The following CLSTN2 variants were observed in gnomAD, a reference collection of about 807,000 sequenced individuals.
CLSTN2 encodes the protein calsyntenin 2.
A neutral mutation model predicts 101.2 loss-of-function variants in CLSTN2; 48 were observed. That is an observed-to-expected ratio of 0.47 (90% CI 0.38 to 0.60). CLSTN2 has a LOEUF of 0.60. CLSTN2 is among the 20% of genes least tolerant of loss of function. CLSTN2 has a pLI of 0.00. For synonymous variants in CLSTN2, 481 were observed against 463.6 expected (o/e 1.04, Z -0.48); for missense variants, 1,160 against 1,238.2 (o/e 0.94, Z 0.95).
Position 140,574,808 on chromosome 3 carries a change from G to A in CLSTN2, c.*8555G>A, listed in dbSNP as rs144822502. ...TGAGCCCACATTTTGTGTGCAGAGAGAATCAACCCACAGGTCTCAGCTGCA... is the reference window on the plus strand; with the variant it reads ...TGAGCCCACATTTTGTGTGCAGAGAAAATCAACCCACAGGTCTCAGCTGCA... On this transcript the variant is annotated 3_prime_UTR_variant, in exon 17 of 17. Transcript: ENST00000458420. The A allele has an allele frequency of 1.3e-5, 2 of 152,362 alleles. No individual in the cohort carries two copies. Among genetic ancestry groups the A allele is most frequent in the East Asian group, 3.9e-4 (2 of 5,182 alleles). The allele number at this position is 152,362 out of a possible 1,614,324, so 9.4% of individuals were successfully genotyped here.
At chr3:140,355,237 T>C (rs1259563234) in intron 2 of CLSTN2, among the ~76,000 whole-genome samples, 1 of 152,228 alleles carries the variant, frequency 6.6e-6, no homozygotes, top group Admixed American at 6.5e-5. Flanking sequence ...TTACTCAATT[T>C]TTTGAACCTA....
Position 140,558,584 on chromosome 3 carries a change from T to A in CLSTN2, c.1824-56T>A. On this transcript the variant is annotated intron_variant, in intron 11 of 16. Coordinates refer to ENST00000458420, the MANE Select transcript of CLSTN2 (RefSeq NM_022131.3). ...TGGCAACCCCTTGTTCCTGGCTGTA[T>A]GACAGATGGTTTAATTGTTTGCTCA... The A allele has an allele frequency of 7.5e-6, 11 of 1,467,468 alleles. No individual in the cohort carries two copies. The South Asian group carries it at 1.3e-4, about 17-fold the overall frequency. The allele number at this position is 1,467,468 out of a possible 1,614,324, so 90.9% of individuals were successfully genotyped here.
intron 2 of CLSTN2, among the ~76,000 whole-genome samples, chr3:140,208,216 A>G (rs945707370): frequency 1.3e-5 from 2 of 152,182 alleles, no homozygotes. Flanking sequence ...AGTTATTTCC[A>G]AGGTTATACA....
intron 1 of CLSTN2, among the ~76,000 whole-genome samples, chr3:140,060,256 G>C (rs1294778672): frequency 6.6e-6 from 1 of 152,184 alleles, no homozygotes; most frequent in East Asian, 1.9e-4. Context: ...TCTCCAGATG[G>C]TAGGAGAGTA....
intron 1 of CLSTN2, among the ~76,000 whole-genome samples, chr3:140,055,397 C>A (rs1330881857): frequency 1.3e-5 from 2 of 152,154 alleles, no homozygotes; most frequent in African/African-American, 4.8e-5. Context: ...TAGAAAAGAA[C>A]ATGTGTTCTT....
intron 1 of CLSTN2, among the ~76,000 whole-genome samples, chr3:140,128,453 A>T (rs2009470394): frequency 6.6e-6 from 1 of 152,220 alleles, no homozygotes; most frequent in South Asian, 2.1e-4. Context: ...GAGGTTAATA[A>T]AAGGATTATT....
intron 8 of CLSTN2, among the ~76,000 whole-genome samples, chr3:140,476,936 G>A (rs553211594): frequency 3.9e-5 from 6 of 152,176 alleles, no homozygotes; most frequent in Non-Finnish European, 4.4e-5. Context: ...TGGGATTACA[G>A]GTGTGAGCCA....
At chr3:140,023,839 A>G (rs941292525) in intron 1 of CLSTN2, among the ~76,000 whole-genome samples, 1 of 152,130 alleles carries the variant, frequency 6.6e-6, no homozygotes, top group African/African-American at 2.4e-5. Flanking sequence ...GGCTCTCAGG[A>G]AAAGTGCCCA....
intron 2 of CLSTN2, among the ~76,000 whole-genome samples, chr3:140,287,719 AT>A: frequency 6.6e-6 from 1 of 152,300 alleles, no homozygotes; most frequent in South Asian, 2.1e-4. Flanking sequence ...TTGAATTGCC[AT>A]TTTACAAATT....
chr3:140,523,598 T>G (rs1298154884), intron 8 of CLSTN2, among the ~76,000 whole-genome samples: 1 of 152,222 alleles, frequency 6.6e-6, no homozygotes, highest in Admixed American at 6.5e-5. Flanking sequence ...CTTAGCTCAA[T>G]TCACACAACA....
At chr3:140,201,874 G>GA (rs548435493) in intron 2 of CLSTN2, among the ~76,000 whole-genome samples, 12 of 151,754 alleles carry the variant, frequency 7.9e-5, no homozygotes, top group South Asian at 4.2e-4. Flanking sequence ...ACAAAATGAG[G>GA]AAAAAAAACC....
At chr3:140,172,875 C>T (rs1172373931) in intron 1 of CLSTN2, among the ~76,000 whole-genome samples, 21 of 152,160 alleles carry the variant, frequency 1.4e-4, no homozygotes, top group Admixed American at 1.4e-3. Flanking sequence ...AATTATCTCC[C>T]ACTGGGTCTC....
intron 2 of CLSTN2, among the ~76,000 whole-genome samples, chr3:140,380,933 C>T (rs1238134365): frequency 1.3e-5 from 2 of 152,140 alleles, no homozygotes; most frequent in Non-Finnish European, 1.5e-5. Context: ...GCATGTTTAC[C>T]CTGGGTTTGG....
intron 1 of CLSTN2, among the ~76,000 whole-genome samples, chr3:140,154,725 A>G (rs2009923874): frequency 1.3e-5 from 2 of 149,376 alleles, no homozygotes; most frequent in South Asian, 4.3e-4. Flanking sequence ...GCTCACTACA[A>G]GCTCTGCCTC....
At chr3:140,431,667 C>T (rs2088629703) in intron 5 of CLSTN2, among the ~76,000 whole-genome samples, 1 of 152,164 alleles carries the variant, frequency 6.6e-6, no homozygotes, top group East Asian at 1.9e-4. Flanking sequence ...CTCCTCTTCC[C>T]TTTCCTAAGC....
chr3:140,282,595 G>A (rs375259274), intron 2 of CLSTN2, among the ~76,000 whole-genome samples: 1 of 148,074 alleles, frequency 6.8e-6, no homozygotes, highest in South Asian at 2.2e-4. Context: ...AAAGAAACTT[G>A]TCTGTGACTT....
intron 2 of CLSTN2, among the ~76,000 whole-genome samples, chr3:140,295,946 A>T (rs2086998674): frequency 6.6e-6 from 1 of 152,238 alleles, no homozygotes; most frequent in Non-Finnish European, 1.5e-5. Context: ...AATAACTGAG[A>T]CTAACTCAAG....
At chr3:140,276,461 C>T (rs921692939) in intron 2 of CLSTN2, among the ~76,000 whole-genome samples, 2 of 152,134 alleles carry the variant, frequency 1.3e-5, no homozygotes, top group African/African-American at 4.8e-5. Flanking sequence ...CACCATGTGG[C>T]CAAGTACTAT....
At chr3:140,409,945 C>G (rs2088344168) in intron 4 of CLSTN2, among the ~76,000 whole-genome samples, 1 of 151,348 alleles carries the variant, frequency 6.6e-6, no homozygotes, top group African/African-American at 2.4e-5. Context: ...CTCAACCAAG[C>G]AGAAGAAAGA....
Sources: gnomAD v4.1 joint callset for allele counts (sites outside exome capture counted in the v4.1 genomes callset) on GRCh38, gnomAD v4.1.1 for gene constraint, MANE v1.5 for transcripts, NCBI Gene and HGNC (gene_info 2026-07-23, HGNC 2026-07-21) for gene names.